The following DMRT1 variants were observed in gnomAD, a reference collection of about 807,000 sequenced individuals.
DMRT1 encodes the protein doublesex and mab-3 related transcription factor 1, also known as doublesex- and mab-3-related transcription factor 1.
Under a neutral mutation model 32.3 loss-of-function variants are expected in DMRT1, and 7 were observed. That is an observed-to-expected ratio of 0.22 (90% CI 0.12 to 0.41). The LOEUF (loss-of-function observed/expected upper bound fraction) is 0.41, where lower values mean the gene tolerates loss of function less well. DMRT1 is among the 10% of genes least tolerant of loss of function. DMRT1 has a pLI of 1.00. For synonymous variants in DMRT1, 278 were observed against 206.1 expected, an observed-to-expected ratio of 1.35 and a Z score of -2.99; for missense variants, 625 against 500.5, an observed-to-expected ratio of 1.25 and a Z score of -2.37.
At position 894,033 on chromosome 9, in the gene DMRT1, T is replaced by C. The variant is rs1211880312; in HGVS notation, c.660T>C (p.Pro220=). The C allele has an allele frequency of 1.2e-6, 2 of 1,614,156 alleles. No individual in the cohort carries two copies. Among genetic ancestry groups the C allele is most frequent in the African/African-American group, 2.7e-5 (2 of 74,956 alleles). The part of the protein sequence containing the change: ...YSSFYQPSLF[P]YYNNLYNCPQ... ...GCTTCTACCAGCCGTCTCTGTTTCC[T>C]TATTACAACAATCTATACAACTGCC... The change falls in exon 3 of 5, where the codon CCT becomes CCC. Residue 220 remains proline (P), a synonymous_variant. Coordinates refer to ENST00000382276, the MANE Select transcript of DMRT1 (RefSeq NM_021951.3).
chr9:961,918 G>A (rs968527507), intron 4 of DMRT1, among the ~76,000 whole-genome samples: 5 of 152,156 alleles, frequency 3.3e-5, no homozygotes, highest in African/African-American at 1.2e-4. Context: ...GGAGAAACTA[G>A]GGCGCAGGAT....
intron 2 of DMRT1, among the ~76,000 whole-genome samples, chr9:880,199 C>T (rs1816675860): frequency 6.6e-6 from 1 of 152,102 alleles, no homozygotes; most frequent in Admixed American, 6.5e-5. Context: ...GAGTGTAGCT[C>T]TTCAACAGTT....
Position 901,020 on chromosome 9 carries a change from A to G in DMRT1, c.822+6825A>G, listed in dbSNP as rs1471919213. Reference sequence around the variant, plus strand: ...CTTCAGTTTTTTTTTTTTAATTATTATTATTTTTTAATTGAGAAGGATCTT... The same window carrying G: ...CTTCAGTTTTTTTTTTTTAATTATTGTTATTTTTTAATTGAGAAGGATCTT... On this transcript the variant is annotated intron_variant, in intron 3 of 4. Coordinates refer to ENST00000382276, the MANE Select transcript of DMRT1 (RefSeq NM_021951.3). 2.7e-5 allele frequency among the ~76,000 whole-genome samples: 4 copies of G among 148,664 alleles called. No homozygotes were observed. In the East Asian group the frequency reaches 7.9e-4, roughly 29 times the overall value.
chr9:846,707 A>C (rs557340464), intron 1 of DMRT1, among the ~76,000 whole-genome samples: 1 of 152,262 alleles, frequency 6.6e-6, no homozygotes, highest in East Asian at 1.9e-4. Flanking sequence ...CAAGCTCTTG[A>C]GTAGCTGGGA....
intron 2 of DMRT1, among the ~76,000 whole-genome samples, chr9:884,785 C>T (rs554085740): frequency 6.6e-6 from 1 of 152,212 alleles, no homozygotes; most frequent in South Asian, 2.1e-4. Context: ...GCCTGGCCAA[C>T]ATGGTGAAAC....
At chr9:881,245 A>C (rs1245613680) in intron 2 of DMRT1, among the ~76,000 whole-genome samples, 1 of 152,242 alleles carries the variant, frequency 6.6e-6, no homozygotes, top group Non-Finnish European at 1.5e-5. Flanking sequence ...GACAGCCAGG[A>C]AAATTTACAA....
In DMRT1 at chr9:962,833, A is replaced by T. The variant is rs279902; in HGVS notation, c.968-5152A>T. On this transcript the variant is annotated intron_variant, in intron 4 of 4. Transcript: ENST00000382276. ...GATGGGTGCATTATCACTTAGTTTC[A>T]CAAGCAGCAGGGAAACTAATCTGCA... 9.0e-3 allele frequency among the ~76,000 whole-genome samples: 1,374 copies of T among 152,106 alleles called. 10 individuals carry two copies. Among genetic ancestry groups the T allele is most frequent in the Admixed American group, 0.015 (231 of 15,294 alleles).
intron 1 of DMRT1, among the ~76,000 whole-genome samples, chr9:844,293 A>G (rs751804968): frequency 2.6e-5 from 4 of 152,212 alleles, no homozygotes; most frequent in Non-Finnish European, 5.9e-5. Context: ...TCATTTTTAA[A>G]TAGTTTGAAA....
chr9:950,551 A>C (rs1473105778), intron 4 of DMRT1, among the ~76,000 whole-genome samples: 1 of 152,162 alleles, frequency 6.6e-6, no homozygotes, highest in African/African-American at 2.4e-5. Flanking sequence ...AAGATGGTAA[A>C]GTATAGTGCC....
intron 4 of DMRT1, among the ~76,000 whole-genome samples, chr9:921,294 G>T (rs949472893): frequency 6.6e-6 from 1 of 152,168 alleles, no homozygotes; most frequent in Non-Finnish European, 1.5e-5. Context: ...TCATGATTCA[G>T]CTACACTGTC....
At chr9:929,091 A>T (rs576451454) in intron 4 of DMRT1, among the ~76,000 whole-genome samples, 171 of 151,934 alleles carry the variant, frequency 1.1e-3, no homozygotes, top group African/African-American at 4.0e-3. Context: ...TGCCTGCCTC[A>T]CCCTCCTAAA....
At chr9:918,684 C>T (rs552203897) in intron 4 of DMRT1, among the ~76,000 whole-genome samples, 1 of 151,372 alleles carries the variant, frequency 6.6e-6, no homozygotes, top group Non-Finnish European at 1.5e-5. Context: ...AACCCACTAA[C>T]AGTTAAGTAG....
At chr9:966,454 C>A (rs1019763690) in intron 4 of DMRT1, among the ~76,000 whole-genome samples, 2 of 152,200 alleles carry the variant, frequency 1.3e-5, no homozygotes, top group African/African-American at 2.4e-5. Flanking sequence ...AAAGTAACCA[C>A]TTGTCAGGAA....
chr9:890,831 C>T (rs978222037), intron 2 of DMRT1, among the ~76,000 whole-genome samples: 2 of 152,170 alleles, frequency 1.3e-5, no homozygotes, highest in African/African-American at 4.8e-5. Context: ...TCTCCTGCCT[C>T]ATCCTCTGCA....
At chr9:856,350 C>G (rs1362772455) in intron 2 of DMRT1, among the ~76,000 whole-genome samples, 1 of 152,182 alleles carries the variant, frequency 6.6e-6, no homozygotes, top group African/African-American at 2.4e-5. Flanking sequence ...GGTTGTACCA[C>G]AGTCACAAGA....
intron 3 of DMRT1, among the ~76,000 whole-genome samples, chr9:896,285 CTT>C (rs1195951813): frequency 4.9e-5 from 6 of 121,758 alleles, no homozygotes; most frequent in Non-Finnish European, 8.9e-5. Flanking sequence ...CTTGTCTTTT[CTT>C]TTTTTTTTTT....
intron 3 of DMRT1, among the ~76,000 whole-genome samples, chr9:895,637 TAACA>T (rs1384770198): frequency 1.3e-5 from 2 of 152,168 alleles, no homozygotes; most frequent in African/African-American, 4.8e-5. Context: ...TTAAGCTAAT[TAACA>T]AACACATTAA....
At chr9:906,973 T>A (rs189948109) in intron 3 of DMRT1, among the ~76,000 whole-genome samples, 1 of 152,208 alleles carries the variant, frequency 6.6e-6, no homozygotes, top group African/African-American at 2.4e-5. Context: ...TGAAGACTCA[T>A]GAGATAACAA....
intron 2 of DMRT1, among the ~76,000 whole-genome samples, chr9:860,288 C>A (rs1160881208): frequency 3.3e-5 from 5 of 152,124 alleles, no homozygotes; most frequent in Non-Finnish European, 4.4e-5. Flanking sequence ...CAGAGCGAGA[C>A]TCTGTCTCAA....
Sources: allele counts gnomAD v4.1 joint callset (sites outside exome capture counted in the v4.1 genomes callset), GRCh38; gene constraint gnomAD v4.1.1; transcripts MANE v1.5; gene names NCBI Gene and HGNC (gene_info 2026-07-23, HGNC 2026-07-21).